Variants in RANBP2 observed in about 807,000 individuals in gnomAD.
RANBP2 encodes E3 SUMO-protein ligase RanBP2.
A neutral mutation model predicts 303.6 loss-of-function variants in RANBP2; 57 were observed. The observed-to-expected ratio is 0.19, with a 90% confidence interval of 0.15 to 0.23. RANBP2 has a LOEUF of 0.23. Among genes scored for constraint, RANBP2 ranks in the 10% least tolerant of loss-of-function variants. The probability of loss-of-function intolerance (pLI) is 1.00; values close to 1 mark genes in which losing one functional copy is unlikely to be tolerated. For missense variants in RANBP2, 3,138 were observed against 3,780.8 expected, an observed-to-expected ratio of 0.83 and a Z score of 4.46; for synonymous variants, 1,167 against 1,301.5, an observed-to-expected ratio of 0.90 and a Z score of 2.23.
downstream of RANBP2, among the ~76,000 whole-genome samples, chr2:108,788,553 T>TCCA (rs1679336617): frequency 6.6e-6 from 1 of 150,926 alleles, no homozygotes; most frequent in Non-Finnish European, 1.5e-5. Context: ...CCGTCTCTAC[T>TCCA]AAAAAAAATA....
chr2:108,817,542 C>T, the RANBP2 span, among the ~76,000 whole-genome samples: 698 of 152,210 alleles, frequency 4.6e-3, 4 homozygotes, highest in African/African-American at 0.016. Context: ...CCACCTGCCT[C>T]GGCCTCCCAA....
the RANBP2 span, among the ~76,000 whole-genome samples, chr2:109,078,962 G>T: frequency 6.6e-6 from 1 of 151,974 alleles, no homozygotes; most frequent in Non-Finnish European, 1.5e-5. Flanking sequence ...TTGCTTTCCA[G>T]CCTGGGCAAC....
chr2:109,221,363 A>G, the RANBP2 span, among the ~76,000 whole-genome samples: 1 of 152,182 alleles, frequency 6.6e-6, no homozygotes, highest in African/African-American at 2.4e-5. Flanking sequence ...CAGGCAGATC[A>G]CTTGAGCTCA....
In RANBP2 at chr2:108,766,393, A is replaced by C; in HGVS notation, c.5854A>C (p.Lys1952Gln). 6.2e-7 allele frequency: 1 copy of C among 1,612,030 alleles called. No individual in the cohort carries two copies. The highest frequency in any genetic ancestry group is 8.5e-7 in the Non-Finnish European group (1 of 1,179,854). The change falls in exon 20 of 29, where the codon AAA (lysine) becomes CAA (glutamine). Residue 1952 changes from lysine to glutamine, a missense_variant. Physicochemically the swap from Lys to Gln is moderately conservative, Grantham distance 53. Around this residue, in one of 20 missense-constraint regions of RANBP2, gnomAD observed 348 missense variants for 360.4 expected, o/e 0.97. Coordinates refer to ENST00000283195, the MANE Select transcript of RANBP2 (RefSeq NM_006267.5). ...SSTFTFADLA[K>Q]STSGEGFQFG... ...CACTTTTACATTTGCAGATCTTGCA[A>C]AATCAACTTCAGGAGAAGGATTTCA...
chr2:109,557,096 A>G, the RANBP2 span, among the ~76,000 whole-genome samples: 1 of 152,108 alleles, frequency 6.6e-6, no homozygotes. Flanking sequence ...GGTGCAGCAC[A>G]CCAACATGGC....
chr2:108,744,068 G>T (rs1233332450), intron 7 of RANBP2, among the ~76,000 whole-genome samples: 2 of 152,186 alleles, frequency 1.3e-5, no homozygotes, highest in Non-Finnish European at 2.9e-5. Flanking sequence ...CATCTGCATT[G>T]CAGCTAGGTA....
the RANBP2 span, among the ~76,000 whole-genome samples, chr2:109,378,593 G>A: frequency 0.38 from 58,100 of 152,060 alleles, 11,332 homozygotes; most frequent in African/African-American, 0.45. Flanking sequence ...TGGCATTCCT[G>A]CAGATGTTCT....
At chr2:109,336,430 C>T in the RANBP2 span, among the ~76,000 whole-genome samples, 2 of 152,214 alleles carry the variant, frequency 1.3e-5, no homozygotes, top group African/African-American at 2.4e-5. Context: ...GGAAGGGAAG[C>T]TGCCACCAAT....
At chr2:109,680,754 T>G in the RANBP2 span, among the ~76,000 whole-genome samples, 2 of 152,170 alleles carry the variant, frequency 1.3e-5, no homozygotes, top group Admixed American at 1.3e-4. Flanking sequence ...CTTTTTCAAG[T>G]GATTACTTTG....
chr2:109,003,582 T>C, the RANBP2 span, among the ~76,000 whole-genome samples: 19 of 152,122 alleles, frequency 1.2e-4, no homozygotes, highest in South Asian at 3.3e-3. Context: ...GGCTAATTTT[T>C]GTATTTTTAG....
chr2:109,437,116 G>A, the RANBP2 span: 2 of 1,612,586 alleles, frequency 1.2e-6, no homozygotes, highest in Non-Finnish European at 8.5e-7. Context: ...CCAGCCAACG[G>A]CCAGCCAAGC....
chr2:108,928,070 C>T, the RANBP2 span, among the ~76,000 whole-genome samples: 2 of 152,140 alleles, frequency 1.3e-5, no homozygotes, highest in African/African-American at 4.8e-5. Context: ...CAGCTTCGAG[C>T]GGAAGGCTCA....
chr2:109,074,430 C>T, the RANBP2 span, among the ~76,000 whole-genome samples: 1,273 of 150,462 alleles, frequency 8.5e-3, 37 homozygotes, highest in African/African-American at 0.028. Flanking sequence ...CTGAATGTGG[C>T]GGCTTATGCC....
intron 20 of RANBP2, among the ~76,000 whole-genome samples, chr2:108,769,532 G>A (rs573933798): frequency 1.6e-4 from 24 of 149,612 alleles, no homozygotes; most frequent in East Asian, 7.8e-4. Flanking sequence ...TTTTTAAAAT[G>A]TACTGGGATG....
the RANBP2 span, chr2:108,929,246 G>A: frequency 4.3e-6 from 7 of 1,614,078 alleles, no homozygotes; most frequent in Non-Finnish European, 5.9e-6. Flanking sequence ...GTCCCCTGGT[G>A]TCAGCACGGT....
chr2:109,257,374 G>C, the RANBP2 span, among the ~76,000 whole-genome samples: 1 of 151,608 alleles, frequency 6.6e-6, no homozygotes, highest in African/African-American at 2.4e-5. Context: ...AGGAGAGGGA[G>C]GGAGGGAGAG....
At chr2:109,723,882 A>G in the RANBP2 span, among the ~76,000 whole-genome samples, 3 of 152,162 alleles carry the variant, frequency 2.0e-5, no homozygotes, top group African/African-American at 7.2e-5. Flanking sequence ...ATTTTCTTCT[A>G]GCATTTTTAT....
chr2:109,724,402 A>G, the RANBP2 span, among the ~76,000 whole-genome samples: 1 of 152,206 alleles, frequency 6.6e-6, no homozygotes, highest in Non-Finnish European at 1.5e-5. Context: ...ACCTATGAGC[A>G]TGGAATGTTT....
the RANBP2 span, among the ~76,000 whole-genome samples, chr2:109,008,082 A>G: frequency 6.6e-6 from 1 of 152,184 alleles, no homozygotes; most frequent in African/African-American, 2.4e-5. Context: ...CATTTTACGG[A>G]ACTGGCCCCA....
Sources: allele counts gnomAD v4.1 joint callset (sites outside exome capture counted in the v4.1 genomes callset), GRCh38; gene constraint gnomAD v4.1.1; regional missense constraint gnomAD v4.1.1; transcripts MANE v1.5; gene names NCBI Gene and HGNC (gene_info 2026-07-23, HGNC 2026-07-21).